The following NPTX1 variants were observed in gnomAD, a reference collection of about 807,000 sequenced individuals.
NPTX1 encodes neuronal pentraxin-1.
A neutral mutation model predicts 38.7 loss-of-function variants in NPTX1; 12 were observed. That is an observed-to-expected ratio of 0.31 (90% CI 0.20 to 0.50). The LOEUF (loss-of-function observed/expected upper bound fraction) is 0.50, where lower values mean the gene tolerates loss of function less well. Among genes scored for constraint, NPTX1 ranks in the 20% least tolerant of loss-of-function variants. The probability of loss-of-function intolerance (pLI) is 0.98; values close to 1 mark genes in which losing one functional copy is unlikely to be tolerated. For missense variants in NPTX1, 454 were observed against 592.2 expected (o/e 0.77, Z 2.42); for synonymous variants, 272 against 264.9 (o/e 1.03, Z -0.26).
At position 80,467,608 on chromosome 17, in the gene NPTX1, G is replaced by A. The variant is rs776919854; in HGVS notation, c.*3205C>T. On this transcript the variant is annotated 3_prime_UTR_variant, in exon 5 of 5. Transcript: ENST00000306773. ...CTCACTGCCCACAAGACACCCCCTT[G>A]GTCTCAGGTCCCAGGGCTGGTGACA... 6.6e-6 allele frequency: 1 copy of A among 152,342 alleles called. No homozygotes were observed. Among genetic ancestry groups the A allele is most frequent in the Non-Finnish European group, 1.5e-5 (1 of 68,024 alleles). 9.4% of individuals were successfully genotyped at this position (152,342 alleles called of 1,614,324 possible).
chr17:80,471,818 C>G lies in NPTX1; in HGVS notation c.991G>C (p.Asp331His). The G allele has an allele frequency of 1.2e-6, 2 of 1,613,646 alleles. No individual in the cohort carries two copies. The highest frequency in any genetic ancestry group is 8.5e-7 in the Non-Finnish European group (1 of 1,180,038). ...TCGCCACTGCCACCCTGCGTGCCAT[C>G]CTGGTAGGCCTCCCAGACCCCGTCC... ...TRDGVWEAYQ[D>H]GTQGGSGENL... The change falls in exon 4 of 5, where the codon GAT becomes CAT. Residue 331 changes from aspartate to histidine, a missense_variant. Physicochemically the swap from Asp to His is moderately conservative, Grantham distance 81. Around this residue, in one of 4 missense-constraint regions of NPTX1, gnomAD observed 110 missense variants for 197.5 expected, o/e 0.56. Transcript: ENST00000306773.
chr17:80,475,920 C>T lies in NPTX1; in HGVS notation c.444+83G>A. On this transcript the variant is annotated intron_variant, in intron 1 of 4. Coordinates refer to ENST00000306773, the MANE Select transcript of NPTX1 (RefSeq NM_002522.4). The surrounding 1 kb of genome is among the most constrained non-coding windows in gnomAD (Gnocchi z 6.5). ...CGGCTGAGGCGAGGGCGGGGGATGC[C>T]TGGCCGGGTAGGGAACGGGGTGGGG... 1 of 1,214,774 alleles carries T rather than the reference C, an allele frequency of 8.2e-7. No individual in the cohort carries two copies. Among genetic ancestry groups the T allele is most frequent in the African/African-American group, 1.6e-5 (1 of 62,198 alleles). The allele number at this position is 1,214,774 out of a possible 1,614,324, so 75.2% of individuals were successfully genotyped here.
At chr17:80,471,077 T>G (rs780593564) in intron 4 of NPTX1, 43 bp from the exon 5 acceptor site, 2 of 1,480,558 alleles carry the variant, frequency 1.4e-6, no homozygotes, top group Non-Finnish European at 9.2e-7. Context: ...GGTCGCCAGG[T>G]GGTCTGGGGG....
chr17:80,473,569 A>G (rs2083855194), intron 2 of NPTX1, 125 bp from the exon 3 acceptor site: 1 of 976,904 alleles, frequency 1.0e-6, no homozygotes, highest in Non-Finnish European at 1.6e-6. Flanking sequence ...CATTCTGGAG[A>G]CGCAGAGCGG....
chr17:80,476,138 C>T lies in NPTX1; in HGVS notation c.309G>A (p.Arg103=), dbSNP rs201541109. Residue 103 remains arginine (R), a synonymous_variant, in exon 1 of 5, where the codon CGG becomes CGA. Coordinates refer to ENST00000306773, the MANE Select transcript of NPTX1 (RefSeq NM_002522.4). This position sits in a 1 kb window ranked among gnomAD's most constrained non-coding sequence, Gnocchi z 6.3. The stretch of plus-strand genomic sequence containing the variant: ...CGGGCTGCTTGCGGCCGCCGCCCGC[C>T]CGGGCCTCGCCGGCTCCGGGGTCCA... The part of the protein sequence containing the change: ...STLDPGAGEA[R]AGGGRKQPGS... 4,771 of 1,596,352 alleles carry T rather than the reference C, an allele frequency of 3.0e-3. 134 individuals are homozygous for T. In the African/African-American group the frequency reaches 0.056, roughly 19 times the overall value.
Position 80,475,362 on chromosome 17 carries a change from C to A in NPTX1, c.652+149G>T. The A allele has an allele frequency of 1.6e-6, 1 of 622,724 alleles. No individual in the cohort carries two copies. The allele number at this position is 622,724 out of a possible 1,614,324, so 38.6% of individuals were successfully genotyped here. A position where few individuals can be genotyped will look rare whatever the true frequency, so the allele number is the denominator to read the frequency against. Reference sequence around the variant, plus strand: ...GAAGCCCAGAACCTGGGAAGGGGTGCGGGGAATGAGAAAGCGGTGCAGGGG... The same window carrying A: ...GAAGCCCAGAACCTGGGAAGGGGTGAGGGGAATGAGAAAGCGGTGCAGGGG... On this transcript the variant is annotated intron_variant, in intron 2 of 4. Transcript: ENST00000306773. This position sits in a 1 kb window ranked among gnomAD's most constrained non-coding sequence, Gnocchi z 6.5.
In NPTX1 at chr17:80,475,976, G is replaced by A; in HGVS notation, c.444+27C>T. 2 of 1,576,460 alleles carry A rather than the reference G, an allele frequency of 1.3e-6. No individual in the cohort carries two copies. Among genetic ancestry groups the A allele is most frequent in the South Asian group, 1.1e-5 (1 of 90,004 alleles). On this transcript the variant is annotated intron_variant, in intron 1 of 4. Coordinates refer to ENST00000306773, the MANE Select transcript of NPTX1 (RefSeq NM_002522.4). The surrounding 1 kb of genome is among the most constrained non-coding windows in gnomAD (Gnocchi z 6.5). The stretch of plus-strand genomic sequence containing the variant: ...CAGAGGGGCGAGCGAGCCGGAGGGG[G>A]AACCGGAGCCGAGGGCGCGCGCGGA...
At chr17:80,473,658 A>G (rs2143045568) in intron 2 of NPTX1, 1 of 578,656 alleles carries the variant, frequency 1.7e-6, no homozygotes, top group East Asian at 2.9e-5. Context: ...TTCATGCTCC[A>G]GGTCTGGCCT....
chr17:80,473,128 T>A, intron 3 of NPTX1, 72 bp downstream of exon 3: 1 of 1,557,824 alleles, frequency 6.4e-7, no homozygotes, highest in Non-Finnish European at 8.7e-7. Flanking sequence ...CATAGCCCTG[T>A]CTCCGCATGC....
At chr17:80,472,050 A>ACTGCCCCAGACTT (rs2083845354) in intron 3 of NPTX1, 139 bp from the exon 4 acceptor site, 5 of 810,354 alleles carry the variant, frequency 6.2e-6, no homozygotes, top group Non-Finnish European at 9.4e-6. Flanking sequence ...CACAGCACCT[A>ACTGCCCCAGACTT]CTGCCCCAGA....
chr17:80,473,712 G>A, intron 2 of NPTX1: 1 of 497,048 alleles, frequency 2.0e-6, no homozygotes, highest in Non-Finnish European at 3.7e-6. Flanking sequence ...GATGGGGGTG[G>A]GGGGCAGTGC....
Position 80,475,825 on chromosome 17 carries a change from G to A in NPTX1, c.445-107C>T. 3 of 976,632 alleles carry A rather than the reference G, an allele frequency of 3.1e-6. No individual in the cohort carries two copies. Among genetic ancestry groups the A allele is most frequent in the South Asian group, 1.7e-5 (1 of 57,596 alleles). 60.5% of individuals were successfully genotyped at this position (976,632 alleles called of 1,614,324 possible). ...TCTGGGCGACTGCGGGGGCGGCCTG[G>A]CAGGGAGCTGGGGCGAGTGGCCGCC... On this transcript the variant is annotated intron_variant, in intron 1 of 4. Coordinates refer to ENST00000306773, the MANE Select transcript of NPTX1 (RefSeq NM_002522.4). The surrounding 1 kb of genome is among the most constrained non-coding windows in gnomAD (Gnocchi z 6.5).
chr17:80,476,060 C>T lies in NPTX1; in HGVS notation c.387G>A (p.Thr129=), dbSNP rs372910624. ...GCAAAGTTTGCCCGAGTTGGCTGAG[C>T]GTCTCGGCGGCCGGTGTCCGGGACA... is the stretch of plus-strand genomic sequence containing the variant. ...GDLSRTPAAE[T]LSQLGQTLQS... The change falls in exon 1 of 5, where the codon ACG becomes ACA. Residue 129 remains threonine (T), a synonymous_variant. Coordinates refer to ENST00000306773, the MANE Select transcript of NPTX1 (RefSeq NM_002522.4). This position sits in a 1 kb window ranked among gnomAD's most constrained non-coding sequence, Gnocchi z 6.3. The T allele has an allele frequency of 2.5e-6, 4 of 1,608,648 alleles. No individual in the cohort carries two copies. The highest frequency in any genetic ancestry group is 1.3e-5 in the African/African-American group (1 of 74,226).
At chr17:80,471,058 G>C in intron 4 of NPTX1, 24 bp from the exon 5 acceptor site, 1 of 1,553,804 alleles carries the variant, frequency 6.4e-7, no homozygotes, top group Non-Finnish European at 8.8e-7. Context: ...CAGAGGATGA[G>C]AGTGGAGGGG....
Position 80,475,972 on chromosome 17 carries a change from G to A in NPTX1, c.444+31C>T, listed in dbSNP as rs1252808012. ...AGGGCAGAGGGGCGAGCGAGCCGGA[G>A]GGGGAACCGGAGCCGAGGGCGCGCG... On this transcript the variant is annotated intron_variant, in intron 1 of 4. Coordinates refer to ENST00000306773, the MANE Select transcript of NPTX1 (RefSeq NM_002522.4). The surrounding 1 kb of genome is among the most constrained non-coding windows in gnomAD (Gnocchi z 6.5). The A allele has an allele frequency of 3.2e-6, 5 of 1,567,588 alleles. No homozygotes were observed. The African/African-American group carries it at 4.2e-5, about 13-fold the overall frequency.
At chr17:80,472,651 C>G (rs2083848791) in intron 3 of NPTX1, among the ~76,000 whole-genome samples, 1 of 152,182 alleles carries the variant, frequency 6.6e-6, no homozygotes, top group African/African-American at 2.4e-5. Flanking sequence ...GGACTTGAGA[C>G]AGTTTGAAAG....
At chr17:80,473,900 G>A (rs182428814) in intron 2 of NPTX1, 241 of 181,618 alleles carry the variant, frequency 1.3e-3, no homozygotes, top group African/African-American at 5.4e-3. Flanking sequence ...GCCTCTCCTC[G>A]CTCAATCCCA....
At position 80,475,935 on chromosome 17, in the gene NPTX1, A is replaced by G; in HGVS notation, c.444+68T>C. On this transcript the variant is annotated intron_variant, in intron 1 of 4. Coordinates refer to ENST00000306773, the MANE Select transcript of NPTX1 (RefSeq NM_002522.4). The surrounding 1 kb of genome is among the most constrained non-coding windows in gnomAD (Gnocchi z 6.5). ...CGGGGGATGCCTGGCCGGGTAGGGA[A>G]CGGGGTGGGGGAGGGCAGAGGGGCG... The G allele has an allele frequency of 1.7e-6, 2 of 1,182,228 alleles. No homozygotes were observed. Among genetic ancestry groups the G allele is most frequent in the Non-Finnish European group, 2.4e-6 (2 of 838,748 alleles). 73.2% of individuals were successfully genotyped at this position (1,182,228 alleles called of 1,614,324 possible).
chr17:80,471,568 A>G (rs1568274704), intron 4 of NPTX1, among the ~76,000 whole-genome samples, 164 bp downstream of exon 4: 1 of 152,202 alleles, frequency 6.6e-6, no homozygotes, highest in Non-Finnish European at 1.5e-5. Context: ...AGGAAGTTCA[A>G]GTGCATGTCC....
Sources: allele counts gnomAD v4.1 joint callset (sites outside exome capture counted in the v4.1 genomes callset), GRCh38; gene constraint gnomAD v4.1.1; regional missense constraint gnomAD v4.1.1; non-coding constraint Gnocchi (gnomAD v3.1); transcripts MANE v1.5; gene names NCBI Gene and HGNC (gene_info 2026-07-23, HGNC 2026-07-21).